The following LEO1 variants were observed in gnomAD, a reference collection of about 807,000 sequenced individuals.
LEO1 encodes the protein RNA polymerase-associated protein LEO1.
A neutral mutation model predicts 80.4 loss-of-function variants in LEO1; 34 were observed. That is an observed-to-expected ratio of 0.42 (90% CI 0.32 to 0.56). LEO1 has a LOEUF of 0.56. LEO1 is among the 20% of genes least tolerant of loss of function. LEO1 has a pLI of 0.10. For missense variants in LEO1, 631 were observed against 814.2 expected, an observed-to-expected ratio of 0.77 and a Z score of 2.74; for synonymous variants, 262 against 274.9, an observed-to-expected ratio of 0.95 and a Z score of 0.46.
chr15:51,959,591 C>G (rs2057014735), intron 5 of LEO1, among the ~76,000 whole-genome samples: 1 of 152,198 alleles, frequency 6.6e-6, no homozygotes, highest in Admixed American at 6.5e-5. Flanking sequence ...TGGCATTTCT[C>G]TAGCAAATTT....
At chr15:51,949,786 G>T in intron 10 of LEO1, 22 bp downstream of exon 10, 1 of 1,596,484 alleles carries the variant, frequency 6.3e-7, no homozygotes, top group Non-Finnish European at 8.6e-7. Flanking sequence ...ATGATGAAAT[G>T]TAATTTCCAT....
rs368523616 is a variant in LEO1 at position 51,958,745 on chromosome 15, T to C, written c.1242A>G (p.Leu414=). The change falls in exon 6 of 12, where the codon TTA becomes TTG. Residue 414 remains leucine (L), a synonymous_variant. Transcript: ENST00000299601. ...AGGAAAAAGCATGAAATGGTACCTT[T>C]AATTTTAACCTGGTTCTACCTTCTT... The part of the protein sequence containing the change: ...LDEEGRTRLK[L]KVENTIRWRI... 9 of 1,571,428 alleles carry C rather than the reference T, an allele frequency of 5.7e-6. No individual in the cohort carries two copies. Among genetic ancestry groups the C allele is most frequent in the Non-Finnish European group, 7.8e-6 (9 of 1,150,374 alleles).
rs142847620 is a variant in LEO1 at position 51,965,010 on chromosome 15, G to A, written c.814+739C>T. Among the ~76,000 whole-genome samples, 225 of 152,232 alleles carry A rather than the reference G, an allele frequency of 1.5e-3. 1 individual carries two copies. The highest frequency in any genetic ancestry group is 5.3e-3 in the African/African-American group (220 of 41,540). ...TAACCCAAGCTCGTCTCTGTAGGGT[G>A]AGGATACACCCATCAATCTGTCTTG... On this transcript the variant is annotated intron_variant, in intron 2 of 11. Transcript: ENST00000299601.
intron 11 of LEO1, among the ~76,000 whole-genome samples, chr15:51,942,937 ACC>A (rs367575129): frequency 1.3e-5 from 2 of 148,214 alleles, no homozygotes; most frequent in East Asian, 4.0e-4. Flanking sequence ...AAAAAAAAAA[ACC>A]AAAAAAAAAA....
chr15:51,962,288 T>A, intron 3 of LEO1, 101 bp downstream of exon 3: 3 of 676,404 alleles, frequency 4.4e-6, no homozygotes, highest in Non-Finnish European at 7.3e-6. Flanking sequence ...ATTCTGTGGG[T>A]CTGGCGATCT....
intron 2 of LEO1, 63 bp downstream of exon 2, chr15:51,965,686 A>T: frequency 6.6e-7 from 1 of 1,524,486 alleles, no homozygotes; most frequent in Non-Finnish European, 8.8e-7. Flanking sequence ...TAAAGACTAA[A>T]TGGGTCCCTG....
intron 1 of LEO1, 145 bp from the exon 2 acceptor site, chr15:51,966,649 G>A (rs376699216): frequency 9.3e-5 from 53 of 567,590 alleles, no homozygotes; most frequent in Admixed American, 3.2e-4. Context: ...AGTGGCTCAC[G>A]CCTGTAATCC....
In LEO1 at chr15:51,953,361, A is replaced by G. The variant is rs918841036; in HGVS notation, c.1341-98T>C. 3.1e-6 allele frequency: 4 copies of G among 1,287,842 alleles called. No homozygotes were observed. In the East Asian group the frequency reaches 7.1e-5, roughly 23 times the overall value. The allele number at this position is 1,287,842 out of a possible 1,614,324, so 79.8% of individuals were successfully genotyped here. The stretch of plus-strand genomic sequence containing the variant: ...ATTCAGGCTGGGCACAGTGGCCCAC[A>G]TGTGTAATCCCAGCACTTTGGGACA... On this transcript the variant is annotated intron_variant, in intron 7 of 11. Coordinates refer to ENST00000299601, the MANE Select transcript of LEO1 (RefSeq NM_138792.4).
intron 11 of LEO1, among the ~76,000 whole-genome samples, chr15:51,946,337 A>G (rs2056900860): frequency 6.6e-6 from 1 of 151,980 alleles, no homozygotes; most frequent in African/African-American, 2.4e-5. Flanking sequence ...AGCTAGGATT[A>G]CAGGCATGCG....
chr15:51,942,473 T>C (rs1431542960), intron 11 of LEO1, among the ~76,000 whole-genome samples: 1 of 152,044 alleles, frequency 6.6e-6, no homozygotes, highest in Admixed American at 6.6e-5. Context: ...AGAAGTCCCA[T>C]GACACTTCTC....
At chr15:51,941,473 A>G (rs1329663780) in intron 11 of LEO1, among the ~76,000 whole-genome samples, 1 of 152,172 alleles carries the variant, frequency 6.6e-6, no homozygotes, top group African/African-American at 2.4e-5. Context: ...CTGACATCAC[A>G]TTCTGAGTAA....
At chr15:51,939,092 G>A (rs1351834416) in intron 11 of LEO1, among the ~76,000 whole-genome samples, 2 of 152,232 alleles carry the variant, frequency 1.3e-5, no homozygotes, top group Non-Finnish European at 2.9e-5. Flanking sequence ...GACTGAGGCA[G>A]GAGAATCACT....
intron 9 of LEO1, among the ~76,000 whole-genome samples, chr15:51,950,200 G>A (rs891084526): frequency 2.0e-5 from 3 of 152,210 alleles, no homozygotes; most frequent in Non-Finnish European, 4.4e-5. Context: ...AGCGGCAGAA[G>A]GGAGCCCTGA....
At chr15:51,964,898 G>C (rs1241060622) in intron 2 of LEO1, among the ~76,000 whole-genome samples, 1 of 152,150 alleles carries the variant, frequency 6.6e-6, no homozygotes, top group Non-Finnish European at 1.5e-5. Context: ...AACTTGAGCA[G>C]AATAGTCTAA....
intron 11 of LEO1, among the ~76,000 whole-genome samples, chr15:51,941,958 C>T (rs1239410105): frequency 6.6e-6 from 1 of 152,238 alleles, no homozygotes. Context: ...CGATGCAGTT[C>T]ACTCTAATAT....
Position 51,947,398 on chromosome 15 carries a change from A to C in LEO1, c.1799-9T>G. On this transcript the variant is annotated splice_polypyrimidine_tract_variant and intron_variant, in intron 10 of 11. Transcript: ENST00000299601. ...GATTCTGGCTCGTTCCTCTGAAAGCAAAAGTACAGATTGTGAGTCACCTTT... is the reference window on the plus strand; with the variant it reads ...GATTCTGGCTCGTTCCTCTGAAAGCCAAAGTACAGATTGTGAGTCACCTTT... The C allele has an allele frequency of 6.3e-7, 1 of 1,593,014 alleles. No individual in the cohort carries two copies. Among genetic ancestry groups the C allele is most frequent in the South Asian group, 1.1e-5 (1 of 89,008 alleles).
At chr15:51,965,060 T>C (rs886871789) in intron 2 of LEO1, among the ~76,000 whole-genome samples, 1 of 152,092 alleles carries the variant, frequency 6.6e-6, no homozygotes, top group Non-Finnish European at 1.5e-5. Context: ...TCCATTGAGA[T>C]CACCCAGCCA....
chr15:51,962,164 T>TAAA (rs11407897), intron 3 of LEO1, among the ~76,000 whole-genome samples: 2 of 133,796 alleles, frequency 1.5e-5, no homozygotes, highest in Non-Finnish European at 1.6e-5. Context: ...CTCTGTCTCT[T>TAAA]AAAAAAAAAA....
rs75275408 is a variant in LEO1 at position 51,955,624 on chromosome 15, G to A, written c.1246-1049C>T. ...CAAGGATAGAAAGAATGAGAATGAA[G>A]CTGGCAACAGACAGAAGCCAACAAT... On this transcript the variant is annotated intron_variant, in intron 6 of 11. Coordinates refer to ENST00000299601, the MANE Select transcript of LEO1 (RefSeq NM_138792.4). Among the ~76,000 whole-genome samples the A allele has an allele frequency of 1.5e-4, 23 of 152,320 alleles. No individual in the cohort carries two copies. In the East Asian group the frequency reaches 4.2e-3, roughly 28 times the overall value.
Sources: gnomAD v4.1 joint callset for allele counts (sites outside exome capture counted in the v4.1 genomes callset) on GRCh38, gnomAD v4.1.1 for gene constraint, MANE v1.5 for transcripts, NCBI Gene and HGNC (gene_info 2026-07-23, HGNC 2026-07-21) for gene names.